The following ATP2B2 variants were observed in gnomAD, a reference collection of about 807,000 sequenced individuals.
ATP2B2 encodes the protein plasma membrane calcium-transporting ATPase 2.
A neutral mutation model predicts 120.0 loss-of-function variants in ATP2B2; 15 were observed. That is an observed-to-expected ratio of 0.12 (90% CI 0.08 to 0.19). The LOEUF is 0.19. Among genes scored for constraint, ATP2B2 ranks in the 10% least tolerant of loss-of-function variants. ATP2B2 has a pLI of 1.00. For missense variants in ATP2B2, 1,045 were observed against 1,719.8 expected (o/e 0.61, Z 6.94); for synonymous variants, 694 against 700.3 (o/e 0.99, Z 0.14).
Position 10,375,304 on chromosome 3 carries a change from A to T in ATP2B2, c.1416+126T>A. ...GGGGTCCTGCATACATTCTTCTTCC[A>T]AGCTCCTAGGGGGTCTATGGGGCTT... On this transcript the variant is annotated intron_variant, in intron 11 of 22. Coordinates refer to ENST00000360273, the MANE Select transcript of ATP2B2 (RefSeq NM_001001331.4). This position sits in a 1 kb window ranked among gnomAD's most constrained non-coding sequence, Gnocchi z 4.2. 1 of 791,122 alleles carries T rather than the reference A, an allele frequency of 1.3e-6. No individual in the cohort carries two copies. Among genetic ancestry groups the T allele is most frequent in the Non-Finnish European group, 2.1e-6 (1 of 475,950 alleles). 49.0% of individuals were successfully genotyped at this position (791,122 alleles called of 1,614,324 possible).
intron 12 of ATP2B2, among the ~76,000 whole-genome samples, chr3:10,367,119 C>T (rs147712273): frequency 6.6e-6 from 1 of 152,290 alleles, no homozygotes; most frequent in Non-Finnish European, 1.5e-5. Context: ...TTATTTGCTA[C>T]CACTGGCTCC....
At chr3:10,352,400 T>G (rs2125417856) in intron 14 of ATP2B2, among the ~76,000 whole-genome samples, 1 of 152,372 alleles carries the variant, frequency 6.6e-6, no homozygotes, top group Middle Eastern at 3.4e-3. Flanking sequence ...CCCGCAGTTC[T>G]GAGCGTGGCT....
intron 3 of ATP2B2, among the ~76,000 whole-genome samples, chr3:10,513,290 G>A (rs1031163308): frequency 6.6e-6 from 1 of 152,096 alleles, no homozygotes; most frequent in Non-Finnish European, 1.5e-5. Context: ...CAGTGTTGCC[G>A]ACAAAGGGTG....
intron 1 of ATP2B2, among the ~76,000 whole-genome samples, chr3:10,650,807 C>A (rs2342146): frequency 0.22 from 33,294 of 152,158 alleles, 6,138 homozygotes; most frequent in African/African-American, 0.5. Context: ...TCAATGCCAG[C>A]CCCTGAAAGC....
At chr3:10,565,329 TA>T (rs1001655639) in intron 2 of ATP2B2, among the ~76,000 whole-genome samples, 1 of 152,180 alleles carries the variant, frequency 6.6e-6, no homozygotes, top group Non-Finnish European at 1.5e-5. Flanking sequence ...CTTGGGAAGG[TA>T]AATGACTGTG....
At chr3:10,400,786 G>A (rs2062192721) in intron 5 of ATP2B2, among the ~76,000 whole-genome samples, 167 bp downstream of exon 5, 1 of 152,232 alleles carries the variant, frequency 6.6e-6, no homozygotes, top group South Asian at 2.1e-4. Context: ...GGCTCAATGT[G>A]TGTTTGTGAG....
At chr3:10,481,939 A>C (rs2125322820) in intron 1 of ATP2B2, among the ~76,000 whole-genome samples, 1 of 152,300 alleles carries the variant, frequency 6.6e-6, no homozygotes, top group South Asian at 2.1e-4. Context: ...TAAACTGTAA[A>C]TCCATGAGGG....
intron 2 of ATP2B2, among the ~76,000 whole-genome samples, chr3:10,611,941 T>G (rs1365025209): frequency 1.3e-5 from 2 of 152,210 alleles, no homozygotes; most frequent in Non-Finnish European, 2.9e-5. Context: ...GCTATGGTTG[T>G]TACGCCTATC....
At chr3:10,652,931 G>T (rs1353976976) in intron 1 of ATP2B2, among the ~76,000 whole-genome samples, 1 of 152,172 alleles carries the variant, frequency 6.6e-6, no homozygotes, top group Non-Finnish European at 1.5e-5. Flanking sequence ...GTTCCTGGGG[G>T]CTTGGGGAGA....
At chr3:10,640,595 G>A (rs2070144713) in intron 1 of ATP2B2, among the ~76,000 whole-genome samples, 1 of 152,166 alleles carries the variant, frequency 6.6e-6, no homozygotes, top group South Asian at 2.1e-4. Flanking sequence ...GGCAGGAGAA[G>A]GCAGTTACTT....
chr3:10,590,424 C>A (rs1003111076), intron 2 of ATP2B2, among the ~76,000 whole-genome samples: 2 of 152,158 alleles, frequency 1.3e-5, no homozygotes, highest in African/African-American at 4.8e-5. Flanking sequence ...AAAATTATTT[C>A]TTAATTTTAA....
chr3:10,459,825 A>C (rs564981374), intron 1 of ATP2B2, among the ~76,000 whole-genome samples: 14 of 152,362 alleles, frequency 9.2e-5, no homozygotes, highest in African/African-American at 3.1e-4. Context: ...CCATTTATAC[A>C]GGAGAAGACA....
chr3:10,508,454 A>G (rs2066692340), upstream of ATP2B2, among the ~76,000 whole-genome samples: 1 of 152,180 alleles, frequency 6.6e-6, no homozygotes, highest in Admixed American at 6.5e-5. Context: ...CCAGCATTCC[A>G]GGTCTCAGGT....
rs34907 is a variant in ATP2B2 at position 10,410,547 on chromosome 3, G to A, written c.397+71C>T. The A allele has an allele frequency of 0.42, 631,083 of 1,488,338 alleles. 143,614 individuals are homozygous for A. The highest frequency in any genetic ancestry group is 0.97 in the East Asian group (42,492 of 43,872). The allele number at this position is 1,488,338 out of a possible 1,614,324, so 92.2% of individuals were successfully genotyped here. A position where few individuals can be genotyped will look rare whatever the true frequency, so the allele number is the denominator to read the frequency against. ...GAGGAGAGGATTATTTGTGTGAGCC[G>A]TGAGTGCCCCCCAGCGTGGATGCGG... On this transcript the variant is annotated intron_variant, in intron 3 of 22. Coordinates refer to ENST00000360273, the MANE Select transcript of ATP2B2 (RefSeq NM_001001331.4).
At chr3:10,621,514 G>A (rs1460149433) in intron 1 of ATP2B2, among the ~76,000 whole-genome samples, 3 of 152,234 alleles carry the variant, frequency 2.0e-5, no homozygotes, top group Non-Finnish European at 4.4e-5. Flanking sequence ...GTCAGGAGAA[G>A]GGTGGAGCTT....
At chr3:10,358,984 G>C in intron 13 of ATP2B2, 59 bp from the exon 14 acceptor site, 4 of 1,532,764 alleles carry the variant, frequency 2.6e-6, no homozygotes, top group Non-Finnish European at 3.6e-6. Flanking sequence ...GAAAGGCTTA[G>C]AGACCACCTC....
At chr3:10,681,596 T>C (rs893365196) in intron 1 of ATP2B2, among the ~76,000 whole-genome samples, 1 of 152,202 alleles carries the variant, frequency 6.6e-6, no homozygotes, top group African/African-American at 2.4e-5. Flanking sequence ...GATACAAGTA[T>C]GAAAAACAGA....
At chr3:10,447,763 C>G (rs149619381) in intron 2 of ATP2B2, among the ~76,000 whole-genome samples, 1 of 152,184 alleles carries the variant, frequency 6.6e-6, no homozygotes, top group Non-Finnish European at 1.5e-5. Context: ...GCCCATTTTA[C>G]GGCCACAAGC....
rs201363749 is a variant in ATP2B2 at position 10,417,066 on chromosome 3, C to CGG, written c.200-6253_200-6252dup. Among the ~76,000 whole-genome samples the CGG allele has an allele frequency of 1.6e-4, 6 of 38,096 alleles. No homozygotes were observed. The East Asian group carries it at 8.7e-3, about 55-fold the overall frequency. The allele number at this position is 38,096 out of a possible 152,430, so 25.0% of individuals were successfully genotyped here. A position where few individuals can be genotyped will look rare whatever the true frequency, so the allele number is the denominator to read the frequency against. On this transcript the variant is annotated intron_variant, in intron 2 of 22. Coordinates refer to ENST00000360273, the MANE Select transcript of ATP2B2 (RefSeq NM_001001331.4). ...GAGGTGCTCCTCACTTCCCAGACGG[C>CGG]GGCGGGGGGGGGCGGGCAGAGGGGC...
Sources: gnomAD v4.1 joint callset for allele counts (sites outside exome capture counted in the v4.1 genomes callset) on GRCh38, gnomAD v4.1.1 for gene constraint, Gnocchi (gnomAD v3.1) non-coding constraint, MANE v1.5 for transcripts, NCBI Gene and HGNC (gene_info 2026-07-23, HGNC 2026-07-21) for gene names.